PPCDC: variants seen among roughly 807,000 people sequenced by gnomAD.
PPCDC encodes the protein phosphopantothenoylcysteine decarboxylase.
A neutral mutation model predicts 20.7 loss-of-function variants in PPCDC; 20 were observed. The observed-to-expected ratio is 0.97, with a 90% CI of 0.68 to 1.41. PPCDC has a LOEUF of 1.41. Ranked by LOEUF, PPCDC falls within the 40% of genes most tolerant of loss-of-function variation. PPCDC has a pLI of 0.00. For synonymous variants in PPCDC, 88 were observed against 100.3 expected, an observed-to-expected ratio of 0.88 and a Z score of 0.73; for missense variants, 246 against 263.8, an observed-to-expected ratio of 0.93 and a Z score of 0.47.
chr15:75,029,825 C>T (rs916517370), intron 2 of PPCDC, among the ~76,000 whole-genome samples: 1 of 152,140 alleles, frequency 6.6e-6, no homozygotes, highest in African/African-American at 2.4e-5. Flanking sequence ...GTTCCCTTTT[C>T]CCATAGCCCC....
At chr15:75,047,055 C>T (rs2066245244) in intron 4 of PPCDC, among the ~76,000 whole-genome samples, 1 of 152,264 alleles carries the variant, frequency 6.6e-6, no homozygotes, top group Admixed American at 6.5e-5. Context: ...AGGCTCTCTT[C>T]TCCTCCTGCC....
chr15:75,048,940 G>A (rs886215205), intron 5 of PPCDC, among the ~76,000 whole-genome samples: 3 of 152,216 alleles, frequency 2.0e-5, no homozygotes, highest in Admixed American at 6.5e-5. Flanking sequence ...CTGGCACGCA[G>A]CCCACACGCA....
chr15:75,031,773 G>A (rs533969552), intron 2 of PPCDC, among the ~76,000 whole-genome samples: 21 of 152,204 alleles, frequency 1.4e-4, no homozygotes, highest in African/African-American at 5.1e-4. Flanking sequence ...GCACATGGGT[G>A]TACCACAAAA....
At chr15:75,044,839 C>T in intron 4 of PPCDC, 1 of 309,878 alleles carries the variant, frequency 3.2e-6, no homozygotes, top group South Asian at 3.0e-5. Context: ...CCTGGGTGTG[C>T]TCTTCCACTG....
chr15:75,044,733 TC>T, intron 4 of PPCDC: 1 of 548,040 alleles, frequency 1.8e-6, no homozygotes, highest in East Asian at 4.0e-5. Context: ...CTGCCACTGC[TC>T]CCCAGGAGTG....
intron 4 of PPCDC, among the ~76,000 whole-genome samples, chr15:75,046,610 A>G (rs1246769185): frequency 1.3e-5 from 2 of 152,248 alleles, no homozygotes; most frequent in Non-Finnish European, 2.9e-5. Context: ...CGAAGTCACA[A>G]ATGTTTCAAG....
chr15:75,048,251 T>C (rs2066263809), intron 4 of PPCDC, among the ~76,000 whole-genome samples: 1 of 151,976 alleles, frequency 6.6e-6, no homozygotes, highest in Non-Finnish European at 1.5e-5. Flanking sequence ...TCCCCAGGGT[T>C]GCTTTTCCCA....
rs368551061 is a variant in PPCDC, at chr15:75,049,134, G to A, written c.530-16G>A. ...CACTGTTGGCCTGTCTGGCCACAGC[G>A]GAATTTTGCTCCCAGGTCTCGGGGC... On this transcript the variant is annotated splice_polypyrimidine_tract_variant and intron_variant, in intron 5 of 5. Transcript: ENST00000342932. The A allele has an allele frequency of 5.1e-5, 82 of 1,612,304 alleles. No individual in the cohort carries two copies. In the Admixed American group the frequency reaches 7.3e-4, roughly 14 times the overall value.
chr15:75,035,565 A>G (rs887936344), intron 2 of PPCDC, among the ~76,000 whole-genome samples: 1 of 152,240 alleles, frequency 6.6e-6, no homozygotes, highest in African/African-American at 2.4e-5. Flanking sequence ...TCGGGAAGGA[A>G]TCTCTATACA....
At chr15:75,035,453 G>C (rs1206560738) in intron 2 of PPCDC, among the ~76,000 whole-genome samples, 1 of 152,084 alleles carries the variant, frequency 6.6e-6, no homozygotes, top group Non-Finnish European at 1.5e-5. Flanking sequence ...GAAACGGGAG[G>C]TATCACTCTA....
intron 4 of PPCDC, among the ~76,000 whole-genome samples, chr15:75,046,861 C>T (rs1255485788): frequency 6.6e-6 from 1 of 152,258 alleles, no homozygotes; most frequent in East Asian, 1.9e-4. Context: ...GGCCCTGGCC[C>T]ATTTGTGCTA....
chr15:75,038,496 C>T (rs1319677146), intron 2 of PPCDC, among the ~76,000 whole-genome samples: 1 of 152,178 alleles, frequency 6.6e-6, no homozygotes, highest in Non-Finnish European at 1.5e-5. Flanking sequence ...CAGATACAGC[C>T]TGGCGCTTGT....
chr15:75,027,206 A>C (rs1178281264), intron 1 of PPCDC, among the ~76,000 whole-genome samples: 1 of 152,074 alleles, frequency 6.6e-6, no homozygotes, highest in East Asian at 1.9e-4. Flanking sequence ...TGTCTTCTCA[A>C]ACTCAACCTA....
chr15:75,034,319 G>T (rs1007809359), intron 2 of PPCDC, among the ~76,000 whole-genome samples: 8 of 152,104 alleles, frequency 5.3e-5, no homozygotes, highest in East Asian at 1.9e-4. Context: ...TCCTATCTTG[G>T]TCTGCCTTGC....
chr15:75,040,811 C>T (rs1462104722), intron 2 of PPCDC, among the ~76,000 whole-genome samples: 1 of 152,106 alleles, frequency 6.6e-6, no homozygotes, highest in Non-Finnish European at 1.5e-5. Context: ...TACAGGCGCA[C>T]ACCACCATGC....
chr15:75,045,029 GGCAGTGGC>G (rs2141499326), intron 4 of PPCDC: 1 of 158,494 alleles, frequency 6.3e-6, no homozygotes, highest in South Asian at 1.6e-4. Flanking sequence ...AGAAAGACGG[GGCAGTGGC>G]GAGAGCCGAT....
At chr15:75,044,585 T>C in intron 4 of PPCDC, 71 bp downstream of exon 4, 2 of 1,557,844 alleles carry the variant, frequency 1.3e-6, no homozygotes, top group Non-Finnish European at 8.7e-7. Flanking sequence ...CAGACATCCT[T>C]GTACAAGGAG....
intron 1 of PPCDC, 60 bp downstream of exon 1, chr15:75,023,686 C>T (rs548013661): frequency 6.6e-6 from 1 of 152,346 alleles, no homozygotes; most frequent in African/African-American, 2.4e-5. Context: ...AGGGGAGGTT[C>T]GGGGAGCTGT....
intron 2 of PPCDC, among the ~76,000 whole-genome samples, chr15:75,038,179 T>G (rs1427866869): frequency 6.6e-6 from 1 of 152,212 alleles, no homozygotes; most frequent in African/African-American, 2.4e-5. Context: ...GTTGTCAGCA[T>G]GTTATAGCCA....
Sources: gnomAD v4.1 joint callset for allele counts (sites outside exome capture counted in the v4.1 genomes callset) on GRCh38, gnomAD v4.1.1 for gene constraint, MANE v1.5 for transcripts, NCBI Gene and HGNC (gene_info 2026-07-23, HGNC 2026-07-21) for gene names.